Variants in MRAP2 observed in about 807,000 individuals in gnomAD.
MRAP2 encodes melanocortin 2 receptor accessory protein 2.
In MRAP2, 20 loss-of-function variants were observed where a neutral mutation model predicts 17.4. The ratio of observed to expected loss-of-function variants is 1.15; its 90% CI spans 0.81 to 1.67. The LOEUF is 1.67. Ranked by LOEUF, MRAP2 falls within the 40% of genes most tolerant of loss-of-function variation. The pLI, the probability that MRAP2 is intolerant of heterozygous loss-of-function variation, is 0.00. For missense variants in MRAP2, 238 were observed against 240.0 expected (o/e 0.99, Z 0.05); for synonymous variants, 96 against 88.4 (o/e 1.09, Z -0.48).
chr6:84,076,299 C>G (rs1035520870), intron 3 of MRAP2, among the ~76,000 whole-genome samples: 3 of 151,434 alleles, frequency 2.0e-5, no homozygotes, highest in African/African-American at 7.3e-5. Flanking sequence ...TCTTAGCTGA[C>G]TGCAACCTCC....
the MRAP2 span, among the ~76,000 whole-genome samples, chr6:84,135,588 C>T: frequency 3.9e-5 from 6 of 152,018 alleles, no homozygotes; most frequent in East Asian, 3.9e-4. Context: ...CTGGGCTGGT[C>T]GTGGTGGCTC....
At chr6:84,052,736 A>C in intron 1 of MRAP2, 5 of 923,066 alleles carry the variant, frequency 5.4e-6, no homozygotes, top group Non-Finnish European at 3.9e-6. Flanking sequence ...CTGCCTGGGG[A>C]GAGCTGGTGT....
At chr6:84,081,356 G>C (rs1306673358) in intron 3 of MRAP2, among the ~76,000 whole-genome samples, 2 of 152,180 alleles carry the variant, frequency 1.3e-5, no homozygotes, top group Non-Finnish European at 2.9e-5. Flanking sequence ...TAAGGTGTCG[G>C]TATGTTTTGA....
chr6:84,081,691 T>C (rs1302936703), intron 3 of MRAP2, among the ~76,000 whole-genome samples: 2 of 152,194 alleles, frequency 1.3e-5, no homozygotes, highest in Non-Finnish European at 2.9e-5. Context: ...TGGTGACACA[T>C]GCTTGTAATC....
the MRAP2 span, among the ~76,000 whole-genome samples, chr6:84,131,636 T>C: frequency 6.6e-6 from 1 of 152,002 alleles, no homozygotes; most frequent in Non-Finnish European, 1.5e-5. Flanking sequence ...TAAAGTCTTT[T>C]TTATCAGAGA....
the MRAP2 span, among the ~76,000 whole-genome samples, chr6:84,137,182 G>A: frequency 6.6e-6 from 1 of 152,230 alleles, no homozygotes; most frequent in East Asian, 1.9e-4. Flanking sequence ...GAACTGCTGT[G>A]AGAATGACTT....
intron 2 of MRAP2, among the ~76,000 whole-genome samples, chr6:84,058,974 T>C (rs768965380): frequency 7.3e-5 from 11 of 151,046 alleles, no homozygotes; most frequent in Non-Finnish European, 1.2e-4. Flanking sequence ...AGGAGAGGAA[T>C]TGGGGACAGC....
the MRAP2 span, among the ~76,000 whole-genome samples, chr6:84,119,806 A>G: frequency 6.6e-6 from 1 of 152,158 alleles, no homozygotes; most frequent in Non-Finnish European, 1.5e-5. Flanking sequence ...TGGAAATAAG[A>G]CTCCTTAGCA....
chr6:84,055,445 T>G lies in MRAP2; in HGVS notation c.127T>G (p.Tyr43Asp). ...CTTTGAAGGACTGAAGGCTCATAAA[T>G]GTAAGTTTTATACAATTCCTCATTG... is the stretch of plus-strand genomic sequence containing the variant. ...VSFEGLKAHK[Y>D]SIVIGFWVGL... Residue 43 changes from tyrosine to aspartate, a missense_variant and splice_region_variant, in exon 2 of 4, where the codon TAT (tyrosine) becomes GAT (aspartate). Transcript: ENST00000257776. The G allele has an allele frequency of 6.2e-7, 1 of 1,611,798 alleles. No individual in the cohort carries two copies. Among genetic ancestry groups the G allele is most frequent in the Non-Finnish European group, 8.5e-7 (1 of 1,179,164 alleles).
At chr6:84,139,527 A>G in the MRAP2 span, among the ~76,000 whole-genome samples, 1 of 152,274 alleles carries the variant, frequency 6.6e-6, no homozygotes, top group Middle Eastern at 3.4e-3. Context: ...CCTTCCTGAC[A>G]GTTTTTGGCA....
the MRAP2 span, among the ~76,000 whole-genome samples, chr6:84,125,546 A>G: frequency 6.6e-6 from 1 of 152,164 alleles, no homozygotes; most frequent in African/African-American, 2.4e-5. Context: ...AATGAATGTT[A>G]AATGAGATCA....
At chr6:84,041,167 C>T (rs2129158239) in intron 1 of MRAP2, among the ~76,000 whole-genome samples, 1 of 152,332 alleles carries the variant, frequency 6.6e-6, no homozygotes, top group East Asian at 1.9e-4. Context: ...AGGTATAGCT[C>T]AGGCTGTAGT....
rs148039537 is a variant in MRAP2, at chr6:84,089,254, G to A, written c.391G>A (p.Ala131Thr). The change falls in exon 4 of 4, where the codon GCT (alanine) becomes ACT (threonine). Residue 131 changes from alanine to threonine, a missense_variant. By Grantham distance (58) the Ala-to-Thr change is moderately conservative. Transcript: ENST00000257776. ...NEVERLDRAK[A>T]CHQTTALDSD... ...GGTGGAACGCTTGGACAGAGCCAAA[G>A]CTTGTCACCAGACCACAGCCCTTGA... 1 of 1,614,202 alleles carries A rather than the reference G, an allele frequency of 6.2e-7. No homozygotes were observed. The highest frequency in any genetic ancestry group is 8.5e-7 in the Non-Finnish European group (1 of 1,180,044).
the MRAP2 span, among the ~76,000 whole-genome samples, chr6:84,142,395 C>T: frequency 6.6e-6 from 1 of 152,128 alleles, no homozygotes; most frequent in Non-Finnish European, 1.5e-5. Flanking sequence ...TGTTTATGTA[C>T]ATCTATGTGT....
chr6:84,066,047 G>C (rs7773403), intron 3 of MRAP2, among the ~76,000 whole-genome samples: 8,620 of 149,656 alleles, frequency 0.058, 784 homozygotes, highest in African/African-American at 0.2. Context: ...ACATTGTGTT[G>C]GTTCTGTTTT....
chr6:84,108,985 T>C, the MRAP2 span, among the ~76,000 whole-genome samples: 5 of 152,172 alleles, frequency 3.3e-5, no homozygotes, highest in African/African-American at 4.8e-5. Flanking sequence ...TGGTTGTAGA[T>C]GTGTGGTCCT....
intron 2 of MRAP2, among the ~76,000 whole-genome samples, chr6:84,057,871 A>T (rs1474100454): frequency 6.6e-6 from 1 of 152,142 alleles, no homozygotes; most frequent in Non-Finnish European, 1.5e-5. Flanking sequence ...AGCCTTACTG[A>T]GAAGGAGAGA....
chr6:84,112,733 C>T, the MRAP2 span, among the ~76,000 whole-genome samples: 1 of 151,914 alleles, frequency 6.6e-6, no homozygotes, highest in African/African-American at 2.4e-5. Flanking sequence ...CTCTTGTGGG[C>T]ATTTAGTGCT....
chr6:84,054,462 G>A (rs1489969151), intron 1 of MRAP2, among the ~76,000 whole-genome samples: 1 of 152,196 alleles, frequency 6.6e-6, no homozygotes, highest in African/African-American at 2.4e-5. Context: ...TCAGGAGTAA[G>A]CAGTTGGACA....
Sources: gnomAD v4.1 joint callset for allele counts (sites outside exome capture counted in the v4.1 genomes callset) on GRCh38, gnomAD v4.1.1 for gene constraint, MANE v1.5 for transcripts, NCBI Gene and HGNC (gene_info 2026-07-23, HGNC 2026-07-21) for gene names.